The following CACNA2D3 variants were observed in gnomAD, a reference collection of about 807,000 sequenced individuals.
CACNA2D3 encodes the protein voltage-dependent calcium channel subunit alpha-2/delta-3.
In CACNA2D3, 60 loss-of-function variants were observed where a neutral mutation model predicts 160.6. The observed-to-expected ratio is 0.37, with a 90% CI of 0.30 to 0.46. CACNA2D3 has a LOEUF of 0.46. Ranked by LOEUF, CACNA2D3 falls within the 20% of genes least tolerant of loss-of-function variation. The pLI is 1.00. For missense variants in CACNA2D3, 1,205 were observed against 1,365.0 expected, an observed-to-expected ratio of 0.88 and a Z score of 1.85; for synonymous variants, 558 against 492.9, an observed-to-expected ratio of 1.13 and a Z score of -1.75.
At chr3:54,978,481 C>A (rs537918394) in intron 29 of CACNA2D3, among the ~76,000 whole-genome samples, 12 of 152,256 alleles carry the variant, frequency 7.9e-5, no homozygotes, top group African/African-American at 2.4e-4. Context: ...GTTCATGACT[C>A]CGAGTTCTGA....
chr3:55,057,358 T>G (rs1196284465), intron 35 of CACNA2D3, among the ~76,000 whole-genome samples: 1 of 152,224 alleles, frequency 6.6e-6, no homozygotes, highest in Non-Finnish European at 1.5e-5. Context: ...TCATGCCCCA[T>G]GAATATATAC....
chr3:54,218,563 C>A (rs1397292663), intron 2 of CACNA2D3, among the ~76,000 whole-genome samples: 1 of 152,168 alleles, frequency 6.6e-6, no homozygotes, highest in Non-Finnish European at 1.5e-5. Flanking sequence ...ATATTAACCC[C>A]CCAACACATT....
chr3:54,540,937 C>A (rs980989280), intron 5 of CACNA2D3, among the ~76,000 whole-genome samples: 1 of 152,136 alleles, frequency 6.6e-6, no homozygotes, highest in African/African-American at 2.4e-5. Flanking sequence ...GAGATGAAGT[C>A]ATACTGGATT....
chr3:55,035,735 T>C (rs1703802642), intron 35 of CACNA2D3, among the ~76,000 whole-genome samples: 2 of 152,176 alleles, frequency 1.3e-5, no homozygotes, highest in South Asian at 2.1e-4. Flanking sequence ...AAACAAATAA[T>C]AGACAATCTT....
intron 13 of CACNA2D3, among the ~76,000 whole-genome samples, chr3:54,810,897 T>G (rs910720453): frequency 1.4e-4 from 21 of 152,222 alleles, no homozygotes; most frequent in African/African-American, 5.1e-4. Flanking sequence ...GTATTTTTCT[T>G]TTTGAAATAC....
intron 2 of CACNA2D3, among the ~76,000 whole-genome samples, chr3:54,218,289 C>G (rs1442566128): frequency 1.3e-5 from 2 of 152,184 alleles, no homozygotes; most frequent in Non-Finnish European, 2.9e-5. Context: ...TGGACTGTGA[C>G]CACCTAGACT....
chr3:54,881,862 G>A (rs911282587), intron 21 of CACNA2D3, among the ~76,000 whole-genome samples: 4 of 152,248 alleles, frequency 2.6e-5, no homozygotes, highest in Non-Finnish European at 4.4e-5. Flanking sequence ...CAGGGCGTGA[G>A]GAAGGAGATG....
At chr3:54,922,595 A>G (rs1376370821) in intron 27 of CACNA2D3, among the ~76,000 whole-genome samples, 5 of 152,148 alleles carry the variant, frequency 3.3e-5, no homozygotes, top group East Asian at 1.9e-4. Context: ...GTTTTAACCC[A>G]TGTTGTATTC....
rs372185642 is a variant in CACNA2D3, at chr3:54,879,424, A to G, written c.1844+13A>G. Reference sequence around the variant, plus strand: ...GTACTCCTTTCAGGTAGAGCTGACCATAATACATGGACATTCCATCAGACC... The same window carrying G: ...GTACTCCTTTCAGGTAGAGCTGACCGTAATACATGGACATTCCATCAGACC... On this transcript the variant is annotated intron_variant, in intron 20 of 37. Coordinates refer to ENST00000474759, the MANE Select transcript of CACNA2D3 (RefSeq NM_018398.3). 32 of 1,578,172 alleles carry G rather than the reference A, an allele frequency of 2.0e-5. No homozygotes were observed. The highest frequency in any genetic ancestry group is 2.7e-5 in the Non-Finnish European group (31 of 1,150,658).
rs1181056443 is a variant in CACNA2D3, at chr3:54,821,641, G to GTTCTTTCTTTCT, written c.1398+4819_1398+4830dup. On this transcript the variant is annotated intron_variant, in intron 14 of 37. Coordinates refer to ENST00000474759, the MANE Select transcript of CACNA2D3 (RefSeq NM_018398.3). ...AGCCTTCGTTTTTCTAGAGTCTTTC[G>GTTCTTTCTTTCT]TTCTTTCTTTCTTTCTTTCTTTCTT... Among the ~76,000 whole-genome samples the GTTCTTTCTTTCT allele has an allele frequency of 4.4e-3, 473 of 107,858 alleles. 10 individuals carry two copies. The highest frequency in any genetic ancestry group is 5.3e-3 in the African/African-American group (137 of 25,966). 70.8% of individuals were successfully genotyped at this position (107,858 alleles called of 152,430 possible). A position where few individuals can be genotyped will look rare whatever the true frequency, so the allele number is the denominator to read the frequency against.
intron 17 of CACNA2D3, among the ~76,000 whole-genome samples, chr3:54,864,386 G>A (rs1699356757): frequency 2.6e-5 from 4 of 151,780 alleles, no homozygotes. Flanking sequence ...CAATTTTTGT[G>A]CCTCAACCTC....
intron 13 of CACNA2D3, among the ~76,000 whole-genome samples, chr3:54,812,497 A>G (rs900073406): frequency 2.0e-5 from 3 of 152,194 alleles, no homozygotes; most frequent in Non-Finnish European, 4.4e-5. Flanking sequence ...GTGACCAGAG[A>G]GAGCACGGAC....
intron 34 of CACNA2D3, among the ~76,000 whole-genome samples, chr3:55,012,694 G>A (rs965484197): frequency 2.6e-5 from 4 of 152,080 alleles, no homozygotes; most frequent in South Asian, 4.1e-4. Flanking sequence ...AATCTGGTGC[G>A]TAGAGGCCAG....
chr3:54,860,096 A>G (rs1168702), intron 17 of CACNA2D3, among the ~76,000 whole-genome samples: 127,472 of 151,922 alleles, frequency 0.84, 54,061 homozygotes, highest in African/African-American at 0.96. Context: ...ATTGGGACTG[A>G]GACCTGGCTT....
At chr3:54,775,692 G>C (rs1702412717) in intron 13 of CACNA2D3, among the ~76,000 whole-genome samples, 1 of 152,120 alleles carries the variant, frequency 6.6e-6, no homozygotes. Flanking sequence ...ATAGTAATAT[G>C]ACTATTTTAT....
At chr3:54,137,667 ACTTAGT>A (rs1477672067) in intron 2 of CACNA2D3, among the ~76,000 whole-genome samples, 1 of 152,150 alleles carries the variant, frequency 6.6e-6, no homozygotes, top group Non-Finnish European at 1.5e-5. Context: ...ATGAAACATC[ACTTAGT>A]CTTATTCTTT....
intron 2 of CACNA2D3, among the ~76,000 whole-genome samples, chr3:54,207,933 C>G (rs969058535): frequency 6.6e-6 from 1 of 152,208 alleles, no homozygotes; most frequent in South Asian, 2.1e-4. Flanking sequence ...GAGTGACTGC[C>G]TCAGTGTGAA....
chr3:54,391,755 C>T (rs1197998654), intron 4 of CACNA2D3, among the ~76,000 whole-genome samples: 1 of 152,094 alleles, frequency 6.6e-6, no homozygotes, highest in Non-Finnish European at 1.5e-5. Context: ...AAGTGACCTG[C>T]CTGACTTGGC....
intron 2 of CACNA2D3, among the ~76,000 whole-genome samples, chr3:54,307,365 A>T (rs940861964): frequency 2.0e-5 from 3 of 152,180 alleles, no homozygotes; most frequent in African/African-American, 7.2e-5. Flanking sequence ...GCAAATTGGA[A>T]GGTCACCTGC....
Sources: gnomAD v4.1 joint callset for allele counts (sites outside exome capture counted in the v4.1 genomes callset) on GRCh38, gnomAD v4.1.1 for gene constraint, MANE v1.5 for transcripts, NCBI Gene and HGNC (gene_info 2026-07-23, HGNC 2026-07-21) for gene names.